CDH18: variants seen among roughly 807,000 people sequenced by gnomAD.
The protein encoded by CDH18 is cadherin 18, also known as cadherin-18.
In CDH18, 31 loss-of-function variants were observed where a neutral mutation model predicts 67.9. The observed-to-expected ratio is 0.46, with a 90% confidence interval of 0.34 to 0.62. The LOEUF is 0.62. Among genes scored for constraint, CDH18 ranks in the 20% least tolerant of loss-of-function variants. The pLI is 0.01. For missense variants in CDH18, 890 were observed against 975.5 expected, an observed-to-expected ratio of 0.91 and a Z score of 1.17; for synonymous variants, 362 against 347.2, an observed-to-expected ratio of 1.04 and a Z score of -0.48.
chr5:20,293,454 AAAAAG>A (rs142646170), intron 1 of CDH18, among the ~76,000 whole-genome samples: 1,731 of 152,304 alleles, frequency 0.011, 35 homozygotes, highest in African/African-American at 0.039. Context: ...TGCTGAATAA[AAAAAG>A]AAAAGAAAAG....
intron 6 of CDH18, among the ~76,000 whole-genome samples, chr5:19,600,849 C>A (rs1009976054): frequency 3.3e-5 from 5 of 151,994 alleles, no homozygotes; most frequent in Admixed American, 3.3e-4. Context: ...CCTAAAAAAA[C>A]AAAGATGGGA....
intron 1 of CDH18, among the ~76,000 whole-genome samples, chr5:20,433,557 T>A (rs1748940426): frequency 6.6e-6 from 1 of 152,072 alleles, no homozygotes; most frequent in Non-Finnish European, 1.5e-5. Flanking sequence ...AAGAAGGTGT[T>A]AATATGTTAT....
intron 5 of CDH18, among the ~76,000 whole-genome samples, chr5:19,694,209 A>C (rs1762256770): frequency 6.6e-6 from 1 of 152,116 alleles, no homozygotes; most frequent in South Asian, 2.1e-4. Flanking sequence ...AGGCAAATCT[A>C]ATTTTTTAGG....
chr5:20,243,687 C>G (rs1045990730), intron 2 of CDH18, among the ~76,000 whole-genome samples: 2 of 151,978 alleles, frequency 1.3e-5, no homozygotes, highest in African/African-American at 4.8e-5. Flanking sequence ...GTCTTTTGAA[C>G]TTTTATGATT....
At chr5:20,519,575 C>A (rs994315260) in intron 1 of CDH18, among the ~76,000 whole-genome samples, 2 of 151,916 alleles carry the variant, frequency 1.3e-5, no homozygotes, top group Non-Finnish European at 2.9e-5. Flanking sequence ...ACATATGTAA[C>A]AAACCCGCAC....
intron 2 of CDH18, among the ~76,000 whole-genome samples, chr5:20,252,482 G>T (rs1484923482): frequency 6.6e-6 from 1 of 152,120 alleles, no homozygotes; most frequent in Non-Finnish European, 1.5e-5. Flanking sequence ...AAGGGCTTTT[G>T]TGTTAGTAAA....
intron 1 of CDH18, among the ~76,000 whole-genome samples, chr5:20,419,481 T>G (rs1283095086): frequency 1.2e-4 from 10 of 82,174 alleles, no homozygotes; most frequent in African/African-American, 3.7e-4. Context: ...TTTTTTTTTT[T>G]TTTTTTTTTT....
chr5:19,700,368 C>A (rs1010941249), intron 5 of CDH18, among the ~76,000 whole-genome samples: 1 of 152,156 alleles, frequency 6.6e-6, no homozygotes, highest in Admixed American at 6.5e-5. Context: ...TATGCGACCA[C>A]CATTGTATTA....
chr5:20,040,303 G>A (rs1374925332), intron 2 of CDH18, among the ~76,000 whole-genome samples: 3 of 151,940 alleles, frequency 2.0e-5, no homozygotes, highest in African/African-American at 4.8e-5. Context: ...TAAAAACATG[G>A]CAAATCAAAA....
chr5:20,479,508 A>G (rs1752653041), intron 1 of CDH18, among the ~76,000 whole-genome samples: 1 of 152,118 alleles, frequency 6.6e-6, no homozygotes, highest in African/African-American at 2.4e-5. Flanking sequence ...TCTTACTGGC[A>G]GAATTGATCA....
intron 2 of CDH18, among the ~76,000 whole-genome samples, chr5:19,951,060 T>C (rs1795740386): frequency 6.6e-6 from 1 of 152,166 alleles, no homozygotes; most frequent in Non-Finnish European, 1.5e-5. Context: ...TTTGATTAGA[T>C]CTGGGGTGAA....
chr5:19,758,608 C>T (rs373647664), intron 3 of CDH18, among the ~76,000 whole-genome samples: 2 of 152,324 alleles, frequency 1.3e-5, no homozygotes, highest in South Asian at 2.1e-4. Context: ...CAGAGTAACA[C>T]ACTAAACGAG....
chr5:20,403,011 C>T (rs987415329), intron 1 of CDH18, among the ~76,000 whole-genome samples: 2 of 92,206 alleles, frequency 2.2e-5, no homozygotes, highest in African/African-American at 9.0e-5. Flanking sequence ...GCCATGTCTA[C>T]TAAAAATACA....
intron 1 of CDH18, among the ~76,000 whole-genome samples, chr5:20,279,699 C>CA (rs1189257278): frequency 0.1 from 1,395 of 13,554 alleles, 280 homozygotes; most frequent in East Asian, 0.31. Context: ...AGCTCTGTCT[C>CA]AAAAAAAAAA....
At chr5:19,483,275 C>G (rs574595106) in intron 12 of CDH18, 26 bp downstream of exon 12, 1 of 1,584,972 alleles carries the variant, frequency 6.3e-7, no homozygotes, top group Admixed American at 1.8e-5. Flanking sequence ...TGCCATCATG[C>G]AAACTTAGGG....
chr5:20,304,441 A>G, intron 1 of CDH18: 2 of 1,502,052 alleles, frequency 1.3e-6, no homozygotes, highest in African/African-American at 1.4e-5. Flanking sequence ...TCTCTTCTTC[A>G]TCTCCACCTT....
rs1167848028 is a variant in CDH18 at position 19,666,234 on chromosome 5, A to ATTT, written c.644-53636_644-53634dup. Among the ~76,000 whole-genome samples, 156 of 113,988 alleles carry ATTT rather than the reference A, an allele frequency of 1.4e-3. 1 individual carries two copies. Among genetic ancestry groups the ATTT allele is most frequent in the Admixed American group, 6.9e-3 (74 of 10,756 alleles). The allele number at this position is 113,988 out of a possible 152,430, so 74.8% of individuals were successfully genotyped here. The stretch of plus-strand genomic sequence containing the variant: ...ACAGTCATGTCCCCACGCCTGTATG[A>ATTT]TTTTTATTATTATTATTATTATTAT... On this transcript the variant is annotated intron_variant, in intron 5 of 12. Coordinates refer to ENST00000382275, the MANE Select transcript of CDH18 (RefSeq NM_004934.5).
At chr5:19,756,568 T>G (rs1204849720) in intron 3 of CDH18, among the ~76,000 whole-genome samples, 3 of 152,232 alleles carry the variant, frequency 2.0e-5, no homozygotes, top group Admixed American at 6.5e-5. Context: ...CCATGCATAC[T>G]GTTCTTTACC....
At chr5:19,936,353 C>T (rs1231580337) in intron 2 of CDH18, among the ~76,000 whole-genome samples, 1 of 151,108 alleles carries the variant, frequency 6.6e-6, no homozygotes, top group Non-Finnish European at 1.5e-5. Flanking sequence ...ATGTTTGTTT[C>T]TCTGGCTAAA....
Sources: allele counts gnomAD v4.1 joint callset (sites outside exome capture counted in the v4.1 genomes callset), GRCh38; gene constraint gnomAD v4.1.1; transcripts MANE v1.5; gene names NCBI Gene and HGNC (gene_info 2026-07-23, HGNC 2026-07-21).